The following ZNF516 variants were observed in gnomAD, a reference collection of about 807,000 sequenced individuals.
ZNF516 encodes zinc finger protein 516.
Under a neutral mutation model 79.7 loss-of-function variants are expected in ZNF516, and 19 were observed. That is an observed-to-expected ratio of 0.24 (90% CI 0.17 to 0.35). The LOEUF (loss-of-function observed/expected upper bound fraction) is 0.35, where lower values mean the gene tolerates loss of function less well. ZNF516 is among the 10% of genes least tolerant of loss of function. The pLI is 1.00. For synonymous variants in ZNF516, 877 were observed against 739.5 expected (o/e 1.19, Z -3.02); for missense variants, 1,678 against 1,679.5 (o/e 1.00, Z 0.02).
chr18:76,390,767 G>A (rs575780208), intron 3 of ZNF516, among the ~76,000 whole-genome samples: 11 of 152,284 alleles, frequency 7.2e-5, no homozygotes, highest in African/African-American at 1.7e-4. Context: ...AGCACCGAGC[G>A]GCGGTGTGAT....
intron 1 of ZNF516, among the ~76,000 whole-genome samples, chr18:76,485,290 G>A (rs1914764578): frequency 6.6e-6 from 1 of 152,088 alleles, no homozygotes; most frequent in African/African-American, 2.4e-5. Context: ...AAATCTGGGG[G>A]GAATATGATT....
chr18:76,463,716 C>T (rs781509223), intron 1 of ZNF516, among the ~76,000 whole-genome samples: 2 of 152,214 alleles, frequency 1.3e-5, no homozygotes, highest in Non-Finnish European at 2.9e-5. Context: ...CCACTGAAAT[C>T]GGTGTCCCAC....
At chr18:76,423,280 GAGAGAAACA>G (rs1392923449) in intron 3 of ZNF516, among the ~76,000 whole-genome samples, 1 of 152,190 alleles carries the variant, frequency 6.6e-6, no homozygotes, top group Non-Finnish European at 1.5e-5. Context: ...TTCCTGTGTG[GAGAGAAACA>G]ACACAAAGCC....
At chr18:76,496,419 C>A, upstream of ZNF516, 3 of 1,289,624 alleles carry the variant, frequency 2.3e-6, no homozygotes, top group Non-Finnish European at 3.0e-6. Context: ...TCTCTCTCTG[C>A]GCCTCACACT....
intron 3 of ZNF516, among the ~76,000 whole-genome samples, chr18:76,425,032 C>T (rs567572967): frequency 3.8e-4 from 57 of 151,362 alleles, no homozygotes; most frequent in Admixed American, 2.7e-3. Flanking sequence ...AAGGTTCCCC[C>T]GAAACACACA....
In ZNF516 at chr18:76,441,608, C is replaced by G. The variant is rs1271962517; in HGVS notation, c.1447G>C (p.Gly483Arg). 6.8e-7 allele frequency: 1 copy of G among 1,481,102 alleles called. No individual in the cohort carries two copies. Among genetic ancestry groups the G allele is most frequent in the Admixed American group, 2.4e-5 (1 of 41,468 alleles). The allele number at this position is 1,481,102 out of a possible 1,614,324, so 91.7% of individuals were successfully genotyped here. Residue 483 changes from glycine (G) to arginine (R), a missense_variant, in exon 3 of 7, where the codon GGG becomes CGG. This residue lies in a region of ZNF516 where 1,294 missense variants were observed against 1,248.3 expected (regional missense o/e 1.04). Coordinates refer to ENST00000443185, the MANE Select transcript of ZNF516 (RefSeq NM_014643.4). ...CCGGCGGGCGCGGGGTCCCCAGGCC[C>G]GCTCGCGCGCTTCCGCGGGGGCCCC... ...AQGPPRKRAS[G>R]PGDPAPAGHL... is the part of the protein sequence containing the mutation.
In ZNF516 at chr18:76,459,766, C is replaced by G. The variant is rs148085931; in HGVS notation, c.-158+3262G>C. Among the ~76,000 whole-genome samples, 1 of 152,150 alleles carries G rather than the reference C, an allele frequency of 6.6e-6. No homozygotes were observed. Among genetic ancestry groups the G allele is most frequent in the African/African-American group, 2.4e-5 (1 of 41,430 alleles). On this transcript the variant is annotated intron_variant, in intron 2 of 6. Coordinates refer to ENST00000443185, the MANE Select transcript of ZNF516 (RefSeq NM_014643.4). This position sits in a 1 kb window ranked among gnomAD's most constrained non-coding sequence, Gnocchi z 5.0. ...GAGCACAGTGGGTATCCCATCACAACGCGGGAGGATTCAGGGCCAACTGCA... is the reference window on the plus strand; with the variant it reads ...GAGCACAGTGGGTATCCCATCACAAGGCGGGAGGATTCAGGGCCAACTGCA...
At chr18:76,407,571 CCTCTGAACACAAGCCATGCCAAT>C (rs2075319819) in intron 3 of ZNF516, among the ~76,000 whole-genome samples, 1 of 152,194 alleles carries the variant, frequency 6.6e-6, no homozygotes, top group African/African-American at 2.4e-5. Context: ...ACAACACCGC[CCTCTGAACACAAGCCATGCCAAT>C]CCACTCGTCC....
At chr18:76,469,509 G>A (rs866127719) in intron 1 of ZNF516, among the ~76,000 whole-genome samples, 1 of 152,056 alleles carries the variant, frequency 6.6e-6, no homozygotes, top group Non-Finnish European at 1.5e-5. Context: ...CAAGATAAAA[G>A]AGCTTTCTTT....
At position 76,362,442 on chromosome 18, in the gene ZNF516, G is replaced by T; in HGVS notation, c.*56C>A. 1.9e-6 allele frequency: 3 copies of T among 1,566,584 alleles called. No individual in the cohort carries two copies. Among genetic ancestry groups the T allele is most frequent in the Non-Finnish European group, 1.8e-6 (2 of 1,142,290 alleles). On this transcript the variant is annotated 3_prime_UTR_variant, in exon 7 of 7. Coordinates refer to ENST00000443185, the MANE Select transcript of ZNF516 (RefSeq NM_014643.4). ...ACAGGTGGGAGGCTGCTGGGACATC[G>T]TGAGGGTACTGCTAATGGCCGTTAC...
chr18:76,429,303 T>C (rs2075633193), intron 3 of ZNF516, among the ~76,000 whole-genome samples: 1 of 152,230 alleles, frequency 6.6e-6, no homozygotes. Context: ...AGACTCCTCC[T>C]GGCCTGGGAT....
At chr18:76,398,525 G>A (rs1227646476) in intron 3 of ZNF516, among the ~76,000 whole-genome samples, 3 of 152,126 alleles carry the variant, frequency 2.0e-5, no homozygotes, top group Non-Finnish European at 4.4e-5. Flanking sequence ...AGGTGCTGAC[G>A]CCGCTGGTAG....
At chr18:76,386,150 C>A (rs1406617654) in intron 3 of ZNF516, 3 of 152,200 alleles carry the variant, frequency 2.0e-5, no homozygotes, top group African/African-American at 7.2e-5. Flanking sequence ...GGGTGTCTGC[C>A]CACCTGGCCT....
chr18:76,428,157 C>T (rs1473697553), intron 3 of ZNF516, among the ~76,000 whole-genome samples: 2 of 151,664 alleles, frequency 1.3e-5, no homozygotes, highest in Admixed American at 6.6e-5. Context: ...GAGGCCAAGG[C>T]GGGGGATCAC....
chr18:76,378,348 A>G (rs2074820771), intron 4 of ZNF516: 1 of 152,584 alleles, frequency 6.6e-6, no homozygotes, highest in South Asian at 2.1e-4. Context: ...TCCTCTGCAA[A>G]GCTTTGCTTA....
At chr18:76,401,137 T>G (rs2075213934) in intron 3 of ZNF516, among the ~76,000 whole-genome samples, 1 of 152,182 alleles carries the variant, frequency 6.6e-6, no homozygotes, top group South Asian at 2.1e-4. Flanking sequence ...GTTATTTATA[T>G]CCTACTGCTC....
At chr18:76,382,888 A>G (rs1316087113) in intron 3 of ZNF516, among the ~76,000 whole-genome samples, 1 of 152,146 alleles carries the variant, frequency 6.6e-6, no homozygotes, top group Non-Finnish European at 1.5e-5. Flanking sequence ...TCTACTAAAA[A>G]TACAAAAATT....
chr18:76,471,301 T>C (rs951552511), intron 1 of ZNF516, among the ~76,000 whole-genome samples: 2 of 151,874 alleles, frequency 1.3e-5, no homozygotes, highest in African/African-American at 4.8e-5. Flanking sequence ...TCTGCCTTAC[T>C]TTCTTCCCGA....
In ZNF516 at chr18:76,357,720, TGTCTC is replaced by T. The variant is rs1440057154; in HGVS notation, c.*4773_*4777del. 6.6e-6 allele frequency among the ~76,000 whole-genome samples: 1 copy of T among 152,248 alleles called. No individual in the cohort carries two copies. The highest frequency in any genetic ancestry group is 2.4e-5 in the African/African-American group (1 of 41,458). On this transcript the variant is annotated 3_prime_UTR_variant, in exon 7 of 7. Coordinates refer to ENST00000443185, the MANE Select transcript of ZNF516 (RefSeq NM_014643.4). ...GAATCTTTATTGCATCTGATGGTCC[TGTCTC>T]ATTTTTGCTGTCTCATCAGTAAACC...
Sources: allele counts gnomAD v4.1 joint callset (sites outside exome capture counted in the v4.1 genomes callset), GRCh38; gene constraint gnomAD v4.1.1; regional missense constraint gnomAD v4.1.1; non-coding constraint Gnocchi (gnomAD v3.1); transcripts MANE v1.5; gene names NCBI Gene and HGNC (gene_info 2026-07-23, HGNC 2026-07-21).